SNED1: variants seen among roughly 807,000 people sequenced by gnomAD.
The protein encoded by SNED1 is sushi, nidogen and EGF like domains 1.
SNED1 carries 81 observed loss-of-function variants against 166.7 expected under a neutral mutation model. The ratio of observed to expected loss-of-function variants is 0.49; its 90% CI spans 0.41 to 0.58. The LOEUF (loss-of-function observed/expected upper bound fraction) is 0.58, where lower values mean the gene tolerates loss of function less well. SNED1 is among the 20% of genes least tolerant of loss of function. SNED1 has a pLI of 0.00. For missense variants in SNED1, 1,604 were observed against 2,000.2 expected, an observed-to-expected ratio of 0.80 and a Z score of 3.78; for synonymous variants, 762 against 822.0, an observed-to-expected ratio of 0.93 and a Z score of 1.25.
At chr2:241,053,993 G>A (rs769925469) in intron 16 of SNED1, among the ~76,000 whole-genome samples, 65 of 152,344 alleles carry the variant, frequency 4.3e-4, no homozygotes, top group Middle Eastern at 6.8e-3. Flanking sequence ...GTGGGTGACA[G>A]CACCCAGATT....
In SNED1 at chr2:241,034,640, G is replaced by A. The variant is rs2125009083; in HGVS notation, c.715G>A (p.Val239Met). The change falls in exon 4 of 32, where the codon GTG becomes ATG. Residue 239 changes from valine to methionine, a missense_variant. Val to Met is a conservative substitution (Grantham distance 21). Coordinates refer to ENST00000310397, the MANE Select transcript of SNED1 (RefSeq NM_001080437.3). ...CTCGCGCACAGCAGACATGGCCGAG[G>A]TGGAGACCACCACCAACGTGGGTGT... is the stretch of plus-strand genomic sequence containing the variant. ...PGSRTADMAE[V>M]ETTTNVGVPG... 5 of 1,611,868 alleles carry A rather than the reference G, an allele frequency of 3.1e-6. No individual in the cohort carries two copies. Among genetic ancestry groups the A allele is most frequent in the Non-Finnish European group, 3.4e-6 (4 of 1,179,518 alleles).
At chr2:241,063,538 C>A (rs777982460) in intron 17 of SNED1, 49 bp from the exon 18 acceptor site, 3 of 1,245,586 alleles carry the variant, frequency 2.4e-6, no homozygotes, top group African/African-American at 1.5e-5. Context: ...GGCATGTGGG[C>A]GCCTCAGACT....
chr2:241,001,463 G>T (rs2060075576), intron 1 of SNED1, among the ~76,000 whole-genome samples: 1 of 152,226 alleles, frequency 6.6e-6, no homozygotes, highest in Non-Finnish European at 1.5e-5. Context: ...TATGTGTGTG[G>T]TAAGTCGTAA....
At chr2:241,048,596 G>A (rs2061733953) in intron 9 of SNED1, 66 bp from the exon 10 acceptor site, 2 of 1,519,316 alleles carry the variant, frequency 1.3e-6, no homozygotes, top group African/African-American at 1.4e-5. Context: ...GCAGGGCAGG[G>A]TCTGGAGCGA....
chr2:241,066,623 G>A (rs368369438), intron 21 of SNED1, among the ~76,000 whole-genome samples: 12 of 149,674 alleles, frequency 8.0e-5, no homozygotes, highest in African/African-American at 2.7e-4. Flanking sequence ...GCGAAGTGGC[G>A]TGATGGATGG....
intron 16 of SNED1, among the ~76,000 whole-genome samples, chr2:241,058,022 T>A (rs1165952193): frequency 1.3e-5 from 2 of 152,168 alleles, no homozygotes; most frequent in Non-Finnish European, 2.9e-5. Context: ...GGTGAGAGAT[T>A]GCCAGATGTG....
At chr2:241,012,698 G>C (rs1038854477) in intron 1 of SNED1, among the ~76,000 whole-genome samples, 2 of 152,100 alleles carry the variant, frequency 1.3e-5, no homozygotes, top group Admixed American at 6.5e-5. Flanking sequence ...ATGACGACCA[G>C]AATCGCATGA....
rs986471073 is a variant in SNED1, at chr2:241,034,474, G to A, written c.643-94G>A. 13 of 1,245,476 alleles carry A rather than the reference G, an allele frequency of 1.0e-5. No individual in the cohort carries two copies. In the East Asian group the frequency reaches 1.3e-4, roughly 13 times the overall value. 77.2% of individuals were successfully genotyped at this position (1,245,476 alleles called of 1,614,324 possible). A position where few individuals can be genotyped will look rare whatever the true frequency, so the allele number is the denominator to read the frequency against. On this transcript the variant is annotated intron_variant, in intron 3 of 31. Coordinates refer to ENST00000310397, the MANE Select transcript of SNED1 (RefSeq NM_001080437.3). ...GTCAGGACCTGGCTGGGAGGTTGCC[G>A]ACCCTGGCAGGAACATGGTGGGGGC...
intron 15 of SNED1, 39 bp downstream of exon 15, chr2:241,052,507 A>T (rs752921235): frequency 6.9e-7 from 1 of 1,457,584 alleles, no homozygotes; most frequent in African/African-American, 1.6e-5. Context: ...TACATGGGAT[A>T]CCAGTGCCAG....
chr2:241,039,988 G>A (rs1340456609), intron 6 of SNED1, 87 bp from the exon 7 acceptor site: 6 of 1,058,956 alleles, frequency 5.7e-6, no homozygotes, highest in Middle Eastern at 2.0e-4. Context: ...GTTGGGGGTG[G>A]GGCTCAGTGT....
At chr2:241,005,095 C>T (rs968265323) in intron 1 of SNED1, among the ~76,000 whole-genome samples, 2 of 152,028 alleles carry the variant, frequency 1.3e-5, no homozygotes, top group Admixed American at 1.3e-4. Flanking sequence ...TATTTACCCA[C>T]ATATTTACTA....
At position 241,021,238 on chromosome 2, in the gene SNED1, C is replaced by T. The variant is rs868409920; in HGVS notation, c.214-9046C>T. On this transcript the variant is annotated intron_variant, in intron 1 of 31. Transcript: ENST00000310397. ...TTCCCCACCACTGCGCTTCCCACAT[C>T]CAGAGAGGGTCCAGGCTCAGAGGCC... is the stretch of plus-strand genomic sequence containing the variant. Among the ~76,000 whole-genome samples, 4 of 152,348 alleles carry T rather than the reference C, an allele frequency of 2.6e-5. No individual in the cohort carries two copies. In the Middle Eastern group the frequency reaches 0.01, roughly 389 times the overall value.
chr2:241,077,023 G>A (rs2063057188), intron 27 of SNED1, among the ~76,000 whole-genome samples: 1 of 151,524 alleles, frequency 6.6e-6, no homozygotes, highest in African/African-American at 2.4e-5. Context: ...AGCTTGCAGT[G>A]AGCTGAGATT....
chr2:241,041,141 T>C (rs2061510729), intron 8 of SNED1: 4 of 294,036 alleles, frequency 1.4e-5, no homozygotes, highest in Non-Finnish European at 2.6e-5. Flanking sequence ...TCCATCAGTC[T>C]TTGCCGAGTG....
chr2:241,054,205 TGCCAGAAGATGAGAA>T (rs1222069725), intron 16 of SNED1, among the ~76,000 whole-genome samples: 2 of 152,122 alleles, frequency 1.3e-5, no homozygotes, highest in Non-Finnish European at 2.9e-5. Flanking sequence ...ACCTATATGT[TGCCAGAAGATGAGAA>T]GCCGATATCC....
chr2:241,049,945 A>C lies in SNED1; in HGVS notation c.1735+12A>C. On this transcript the variant is annotated intron_variant, in intron 12 of 31. Transcript: ENST00000310397. ...GCACTGCGAGAAAGGTATGGCGGGC[A>C]GGGGCGTCCGGGCCGGCGTCAGCAC... 2 of 1,605,516 alleles carry C rather than the reference A, an allele frequency of 1.2e-6. No individual in the cohort carries two copies. Among genetic ancestry groups the C allele is most frequent in the Non-Finnish European group, 1.7e-6 (2 of 1,173,126 alleles).
Position 241,065,308 on chromosome 2 carries a change from C to T in SNED1, c.2723C>T (p.Pro908Leu). 1 of 1,612,730 alleles carries T rather than the reference C, an allele frequency of 6.2e-7. No homozygotes were observed. The highest frequency in any genetic ancestry group is 8.5e-7 in the Non-Finnish European group (1 of 1,179,824). The change falls in exon 21 of 32, where the codon CCA (proline) becomes CTA (leucine). Residue 908 changes from proline to leucine, a missense_variant. Pro to Leu is a moderately conservative substitution (Grantham distance 98). Coordinates refer to ENST00000310397, the MANE Select transcript of SNED1 (RefSeq NM_001080437.3). ...GACCCAAACCCTGAAGAGCTCTTCC[C>T]ACCGACGGCCCTCAAGATGGAGAGA... ...TGEDCAKELF[P>L]PTALKMERVE...
intron 1 of SNED1, among the ~76,000 whole-genome samples, chr2:241,020,638 G>T (rs954301561): frequency 1.3e-5 from 2 of 152,204 alleles, no homozygotes; most frequent in African/African-American, 4.8e-5. Context: ...CAAAATGGGG[G>T]TGTCAGGTCA....
intron 16 of SNED1, among the ~76,000 whole-genome samples, chr2:241,061,868 GAAAA>G (rs958279032): frequency 2.0e-4 from 30 of 147,596 alleles, no homozygotes; most frequent in African/African-American, 6.0e-4. Context: ...AAAAAAAAAA[GAAAA>G]AAAGAAAACA....
Sources: allele counts gnomAD v4.1 joint callset (sites outside exome capture counted in the v4.1 genomes callset), GRCh38; gene constraint gnomAD v4.1.1; transcripts MANE v1.5; gene names NCBI Gene and HGNC (gene_info 2026-07-23, HGNC 2026-07-21).